ARMC9: variants seen among roughly 807,000 people sequenced by gnomAD.
The protein encoded by ARMC9 is lisH domain-containing protein ARMC9.
A neutral mutation model predicts 107.0 loss-of-function variants in ARMC9; 94 were observed. That is an observed-to-expected ratio of 0.88 (90% confidence interval 0.74 to 1.04). The LOEUF (loss-of-function observed/expected upper bound fraction) is 1.04. Ranked by LOEUF, ARMC9 falls within the 50% of genes least tolerant of loss-of-function variation. ARMC9 has a pLI of 0.00. For missense variants in ARMC9, 942 were observed against 1,030.1 expected (o/e 0.91, Z 1.17); for synonymous variants, 380 against 396.9 (o/e 0.96, Z 0.51).
At position 231,360,014 on chromosome 2, in the gene ARMC9, C is replaced by T. The variant is rs997207945; in HGVS notation, c.2132-740C>T. Among the ~76,000 whole-genome samples, 22 of 152,196 alleles carry T rather than the reference C, an allele frequency of 1.4e-4. No homozygotes were observed. The highest frequency in any genetic ancestry group is 4.8e-4 in the African/African-American group (20 of 41,514). ...ACGGATGCAGCCTCTGTCACAGTGT[C>T]GCTGCAGCAGTGACATGGACCCCTT... On this transcript the variant is annotated intron_variant, in intron 22 of 24. Coordinates refer to ENST00000611582, the MANE Select transcript of ARMC9 (RefSeq NM_001352754.2). This position sits in a 1 kb window ranked among gnomAD's most constrained non-coding sequence, Gnocchi z 4.7.
At chr2:231,346,243 C>T (rs1253279460) in intron 21 of ARMC9, among the ~76,000 whole-genome samples, 2 of 152,152 alleles carry the variant, frequency 1.3e-5, no homozygotes. Flanking sequence ...TGAAGATGGC[C>T]AGGCGTGGTG....
At chr2:231,357,244 A>C (rs2045379959) in intron 22 of ARMC9, among the ~76,000 whole-genome samples, 1 of 152,204 alleles carries the variant, frequency 6.6e-6, no homozygotes, top group Admixed American at 6.5e-5. Flanking sequence ...CTTGGTGGTC[A>C]CGGGCGGTTG....
intron 23 of ARMC9, among the ~76,000 whole-genome samples, chr2:231,363,912 C>T (rs1347913162): frequency 7.4e-6 from 1 of 135,604 alleles, no homozygotes; most frequent in Admixed American, 7.4e-5. Context: ...AAAAAAAAAG[C>T]CCAGACCCTA....
At position 231,331,835 on chromosome 2, in the gene ARMC9, C is replaced by T. The variant is rs2043759215; in HGVS notation, c.1816C>T (p.Leu606=). 6.2e-6 allele frequency: 10 copies of T among 1,614,096 alleles called. No individual in the cohort carries two copies. The highest frequency in any genetic ancestry group is 1.7e-4 in the Middle Eastern group (1 of 6,060). ...IMEADLDKDE[L]IQPQLGELSG... ...GGAAGCCGATCTGGACAAAGACGAA[C>T]TGATCCAGCCCCAGCTCGGAGAACT... The change falls in exon 20 of 25, where the codon CTG becomes TTG. Residue 606 remains leucine (L), a synonymous_variant. Transcript: ENST00000611582.
chr2:231,210,079 T>A (rs1161047779), intron 3 of ARMC9, among the ~76,000 whole-genome samples: 2 of 152,224 alleles, frequency 1.3e-5, no homozygotes, highest in African/African-American at 4.8e-5. Flanking sequence ...GGAGTTCAAG[T>A]GGTATTCACT....
intron 1 of ARMC9, among the ~76,000 whole-genome samples, chr2:231,203,509 C>T (rs1255523427): frequency 2.0e-5 from 3 of 152,216 alleles, no homozygotes; most frequent in Non-Finnish European, 4.4e-5. Flanking sequence ...CCCCTCCAGT[C>T]TTCTCTGTAG....
chr2:231,223,237 G>T (rs1452595504), intron 6 of ARMC9, among the ~76,000 whole-genome samples: 1 of 152,070 alleles, frequency 6.6e-6, no homozygotes, highest in Non-Finnish European at 1.5e-5. Context: ...ACTTTATTGA[G>T]GTGTAAATTT....
intron 7 of ARMC9, among the ~76,000 whole-genome samples, chr2:231,230,146 G>A (rs2035068551): frequency 6.6e-6 from 1 of 152,138 alleles, no homozygotes; most frequent in African/African-American, 2.4e-5. Context: ...AGGATAGCTT[G>A]AGGCCAGGAG....
chr2:231,209,552 T>C (rs886191189), intron 3 of ARMC9, among the ~76,000 whole-genome samples: 3 of 152,090 alleles, frequency 2.0e-5, no homozygotes, highest in Admixed American at 2.0e-4. Context: ...ATTTATGTAT[T>C]TGAGACGGAG....
intron 20 of ARMC9, among the ~76,000 whole-genome samples, chr2:231,342,093 C>G (rs2044551165): frequency 6.6e-6 from 1 of 152,192 alleles, no homozygotes; most frequent in African/African-American, 2.4e-5. Context: ...TTCTTTGCAA[C>G]TGAGGGGCCC....
intron 9 of ARMC9, among the ~76,000 whole-genome samples, chr2:231,253,082 T>A (rs2037451439): frequency 6.6e-6 from 1 of 151,568 alleles, no homozygotes; most frequent in Non-Finnish European, 1.5e-5. Flanking sequence ...GCCACTTTTT[T>A]AATTTTAGTT....
chr2:231,353,723 C>T (rs1479719206), intron 21 of ARMC9, among the ~76,000 whole-genome samples: 2 of 151,778 alleles, frequency 1.3e-5, no homozygotes, highest in Non-Finnish European at 2.9e-5. Flanking sequence ...CCACCTTCCA[C>T]GACTGTGGAT....
At chr2:231,256,290 C>T (rs2037798072) in intron 9 of ARMC9, 1 of 1,553,930 alleles carries the variant, frequency 6.4e-7, no homozygotes, top group Non-Finnish European at 8.7e-7. Context: ...GAGCGAGAAG[C>T]CCGGAGGTTG....
intron 9 of ARMC9, among the ~76,000 whole-genome samples, chr2:231,249,303 C>T (rs530365329): frequency 4.3e-4 from 65 of 152,310 alleles, no homozygotes; most frequent in Non-Finnish European, 8.1e-4. Flanking sequence ...GTGAGATTCC[C>T]AGCACAGCAG....
At chr2:231,314,975 C>G (rs547156921) in intron 19 of ARMC9, among the ~76,000 whole-genome samples, 55 of 152,180 alleles carry the variant, frequency 3.6e-4, no homozygotes, top group African/African-American at 1.3e-3. Context: ...TGGCCGGGTG[C>G]GGTGGCCATA....
At chr2:231,288,660 G>T (rs1391200649) in intron 17 of ARMC9, 5 of 471,174 alleles carry the variant, frequency 1.1e-5, no homozygotes, top group East Asian at 6.9e-5. Flanking sequence ...TCCCTCAAAG[G>T]TCCCCTGAAG....
At chr2:231,199,086 A>T (rs1050028582) in intron 1 of ARMC9, 6 of 152,194 alleles carry the variant, frequency 3.9e-5, no homozygotes, top group Non-Finnish European at 8.8e-5. Context: ...TTCCTGAGGC[A>T]CCCAGTTGAA....
intron 10 of ARMC9, 88 bp from the exon 11 acceptor site, chr2:231,258,903 T>C (rs760717326): frequency 3.6e-5 from 44 of 1,224,450 alleles, no homozygotes; most frequent in Middle Eastern, 1.9e-4. Context: ...AACAGCAGGC[T>C]CTAGCTTGGG....
chr2:231,355,602 A>T (rs2045307814), intron 21 of ARMC9, among the ~76,000 whole-genome samples, 196 bp from the exon 22 acceptor site: 1 of 152,242 alleles, frequency 6.6e-6, no homozygotes, highest in Non-Finnish European at 1.5e-5. Flanking sequence ...AACAGGAACA[A>T]GGGGAGGCTA....
Sources: gnomAD v4.1 joint callset for allele counts (sites outside exome capture counted in the v4.1 genomes callset) on GRCh38, gnomAD v4.1.1 for gene constraint, Gnocchi (gnomAD v3.1) non-coding constraint, MANE v1.5 for transcripts, NCBI Gene and HGNC (gene_info 2026-07-23, HGNC 2026-07-21) for gene names.